CLEC16A: variants seen among roughly 807,000 people sequenced by gnomAD.
CLEC16A encodes protein CLEC16A.
CLEC16A carries 51 observed loss-of-function variants against 109.5 expected under a neutral mutation model. That is an observed-to-expected ratio of 0.47 (90% CI 0.37 to 0.59). The LOEUF is 0.59. Among genes scored for constraint, CLEC16A ranks in the 20% least tolerant of loss-of-function variants. The pLI is 0.00. For synonymous variants in CLEC16A, 673 were observed against 564.2 expected (o/e 1.19, Z -2.73); for missense variants, 1,339 against 1,394.0 (o/e 0.96, Z 0.63).
chr16:10,971,483 G>A (rs752669267), intron 5 of CLEC16A: 29 of 890,564 alleles, frequency 3.3e-5, no homozygotes, highest in South Asian at 5.2e-5. Flanking sequence ...TGAGAGGCAC[G>A]TGTGGGATTC....
chr16:11,109,187 A>G (rs1464234596), intron 19 of CLEC16A, among the ~76,000 whole-genome samples: 1 of 143,814 alleles, frequency 7.0e-6, no homozygotes, highest in Non-Finnish European at 1.5e-5. Context: ...TTTTTATTAG[A>G]TGGAGTCTCA....
At chr16:11,073,401 C>G (rs976590767) in intron 19 of CLEC16A, among the ~76,000 whole-genome samples, 3 of 152,136 alleles carry the variant, frequency 2.0e-5, no homozygotes, top group Non-Finnish European at 2.9e-5. Context: ...TCTGCCCCAT[C>G]CCTGGTCTGG....
chr16:10,953,162 T>C (rs1012025761), intron 1 of CLEC16A, among the ~76,000 whole-genome samples: 3 of 152,244 alleles, frequency 2.0e-5, no homozygotes, highest in Admixed American at 1.3e-4. Context: ...TCAGACAGTA[T>C]GGTCTTGATA....
chr16:11,011,680 G>T (rs116162751), intron 11 of CLEC16A, among the ~76,000 whole-genome samples: 1 of 152,182 alleles, frequency 6.6e-6, no homozygotes, highest in African/African-American at 2.4e-5. Context: ...GGCCCTTTCA[G>T]TGGAGAAAGC....
intron 13 of CLEC16A, among the ~76,000 whole-genome samples, chr16:11,029,503 T>C (rs984073868): frequency 8.5e-5 from 13 of 152,218 alleles, no homozygotes; most frequent in African/African-American, 2.4e-4. Context: ...TTGGGTTTTC[T>C]ATCCCTTTGC....
chr16:10,977,500 CTG>C lies in CLEC16A; in HGVS notation c.903+102_903+103del. 2.8e-6 allele frequency: 3 copies of C among 1,083,786 alleles called. No homozygotes were observed. In the South Asian group the frequency reaches 4.9e-5, roughly 18 times the overall value. The allele number at this position is 1,083,786 out of a possible 1,614,324, so 67.1% of individuals were successfully genotyped here. ...TGGGGCTGAGCATTGCAAATCAGGA[CTG>C]AGGTTTTTTTTTTGTTTGTTTGTTT... is the stretch of plus-strand genomic sequence containing the variant. On this transcript the variant is annotated intron_variant, in intron 8 of 23. Transcript: ENST00000409790.
In CLEC16A at chr16:11,043,989, G is replaced by A. The variant is rs374523608; in HGVS notation, c.1771-39G>A. On this transcript the variant is annotated intron_variant, in intron 15 of 23. Transcript: ENST00000409790. ...GTTTGCCCGACTTGCTCACCTATAT[G>A]AGACCTGCCTCCTTCACACCTTCCT... is the stretch of plus-strand genomic sequence containing the variant. 19 of 1,562,918 alleles carry A rather than the reference G, an allele frequency of 1.2e-5. No homozygotes were observed. In the African/African-American group the frequency reaches 2.6e-4, roughly 21 times the overall value.
chr16:11,160,470 A>G (rs75027148), intron 22 of CLEC16A, among the ~76,000 whole-genome samples: 1,951 of 152,242 alleles, frequency 0.013, 48 homozygotes, highest in African/African-American at 0.045. Flanking sequence ...CAAGTGTTTC[A>G]TAAGCCCTAG....
At chr16:11,074,411 G>T (rs555328860) in intron 19 of CLEC16A, among the ~76,000 whole-genome samples, 17 of 152,316 alleles carry the variant, frequency 1.1e-4, no homozygotes, top group African/African-American at 4.1e-4. Context: ...GACTGGAAAT[G>T]GGATTGTAAT....
intron 22 of CLEC16A, among the ~76,000 whole-genome samples, chr16:11,153,020 A>G (rs552130961): frequency 9.2e-5 from 14 of 152,216 alleles, no homozygotes; most frequent in Non-Finnish European, 1.8e-4. Flanking sequence ...GCCTCTGAGC[A>G]TTGTCCATTG....
intron 16 of CLEC16A, among the ~76,000 whole-genome samples, chr16:11,045,923 T>G (rs1301557563): frequency 6.6e-6 from 1 of 152,232 alleles, no homozygotes; most frequent in Admixed American, 6.5e-5. Context: ...CAGGCTCAGA[T>G]GACCCCATCC....
At position 11,024,848 on chromosome 16, in the gene CLEC16A, G is replaced by C; in HGVS notation, c.1464G>C (p.Ala488=). The C allele has an allele frequency of 6.2e-7, 1 of 1,607,134 alleles. No individual in the cohort carries two copies. The highest frequency in any genetic ancestry group is 1.3e-5 in the African/African-American group (1 of 74,900). Residue 488 remains alanine (A), a synonymous_variant, in exon 13 of 24, where the codon GCG becomes GCC. Transcript: ENST00000409790. ...CCTTCCTGGATATGGTGTACCACGCGCTGGACAGCCCGGATGATGATTACC... is the reference window on the plus strand; with the variant it reads ...CCTTCCTGGATATGGTGTACCACGCCCTGGACAGCCCGGATGATGATTACC... ...SRPFLDMVYH[A]LDSPDDDYHA...
At chr16:11,099,760 G>C (rs1479523175) in intron 19 of CLEC16A, among the ~76,000 whole-genome samples, 1 of 152,222 alleles carries the variant, frequency 6.6e-6, no homozygotes, top group Non-Finnish European at 1.5e-5. Flanking sequence ...ACGGGGCAAA[G>C]TGAGGATGGT....
intron 17 of CLEC16A, among the ~76,000 whole-genome samples, chr16:11,048,790 A>G (rs1458871878): frequency 6.6e-6 from 1 of 151,774 alleles, no homozygotes; most frequent in African/African-American, 2.4e-5. Context: ...CAGACCATTC[A>G]TTAGAGTGGA....
intron 18 of CLEC16A, among the ~76,000 whole-genome samples, chr16:11,055,420 G>A (rs766885454): frequency 6.6e-6 from 1 of 151,996 alleles, no homozygotes; most frequent in African/African-American, 2.4e-5. Context: ...ACAGGGAACA[G>A]CACACATCCA....
chr16:11,121,864 A>G (rs1425282248), intron 20 of CLEC16A, among the ~76,000 whole-genome samples: 1 of 121,806 alleles, frequency 8.2e-6, no homozygotes, highest in Non-Finnish European at 1.6e-5. Flanking sequence ...TGGGCGGCAG[A>G]GTGAGACCCT....
chr16:11,064,865 C>T (rs2048679429), intron 19 of CLEC16A, among the ~76,000 whole-genome samples: 1 of 152,214 alleles, frequency 6.6e-6, no homozygotes, highest in Admixed American at 6.5e-5. Flanking sequence ...CAGCACCATG[C>T]TTGGCACTTA....
At chr16:11,167,252 G>A (rs1044366180) in intron 23 of CLEC16A, among the ~76,000 whole-genome samples, 1 of 152,126 alleles carries the variant, frequency 6.6e-6, no homozygotes, top group Admixed American at 6.5e-5. Context: ...AGAGGAGCAG[G>A]GATGAGCATC....
In CLEC16A at chr16:11,089,662, A is replaced by G. The variant is rs139406014; in HGVS notation, c.2116+28640A>G. ...GCTTACCCATCTGCTGAGCATGTCCACCTGGTCGCCTGGTCACCTGGTCAG... is the reference window on the plus strand; with the variant it reads ...GCTTACCCATCTGCTGAGCATGTCCGCCTGGTCGCCTGGTCACCTGGTCAG... On this transcript the variant is annotated intron_variant, in intron 19 of 23. Coordinates refer to ENST00000409790, the MANE Select transcript of CLEC16A (RefSeq NM_015226.3). Among the ~76,000 whole-genome samples the G allele has an allele frequency of 5.1e-3, 772 of 152,162 alleles. 5 individuals are homozygous for G. The highest frequency in any genetic ancestry group is 0.031 in the Middle Eastern group (9 of 292).
Sources: allele counts gnomAD v4.1 joint callset (sites outside exome capture counted in the v4.1 genomes callset), GRCh38; gene constraint gnomAD v4.1.1; transcripts MANE v1.5; gene names NCBI Gene and HGNC (gene_info 2026-07-23, HGNC 2026-07-21).